IL1RL2: variants seen among roughly 807,000 people sequenced by gnomAD.
The protein encoded by IL1RL2 is interleukin-1 receptor-like 2.
A neutral mutation model predicts 66.8 loss-of-function variants in IL1RL2; 68 were observed. The observed-to-expected ratio is 1.02, with a 90% CI of 0.84 to 1.25. The LOEUF (loss-of-function observed/expected upper bound fraction) is 1.25, where lower values mean the gene tolerates loss of function less well. Among genes scored for constraint, IL1RL2 ranks in the 50% most tolerant of loss-of-function variants. The pLI is 0.00. For missense variants in IL1RL2, 729 were observed against 709.3 expected (o/e 1.03, Z -0.32); for synonymous variants, 305 against 264.6 (o/e 1.15, Z -1.48).
chr2:102,242,197 C>A (rs1240492984), downstream of IL1RL2, among the ~76,000 whole-genome samples: 1 of 152,164 alleles, frequency 6.6e-6, no homozygotes, highest in Admixed American at 6.5e-5. Flanking sequence ...GCTTTTTCCT[C>A]CCTGATTATT....
intron 4 of IL1RL2, among the ~76,000 whole-genome samples, chr2:102,195,599 T>G (rs1270658659): frequency 5.5e-5 from 1 of 18,032 alleles, no homozygotes; most frequent in African/African-American, 1.6e-4. Flanking sequence ...CTTTCTTTCT[T>G]TCTTTCTTTC....
chr2:102,212,056 C>A (rs200727039), intron 5 of IL1RL2, 44 bp from the exon 6 acceptor site: 2 of 1,408,910 alleles, frequency 1.4e-6, no homozygotes, highest in Middle Eastern at 1.8e-4. Context: ...GGGAATGTAT[C>A]ATACGTGATT....
Position 102,235,288 on chromosome 2 carries a change from G to C in IL1RL2, c.1678+11G>C. ...GCTACCGCACCGCAGGTGAGCGGGT[G>C]GGAGGACACGAGGTTTGTCACGCAC... On this transcript the variant is annotated intron_variant, in intron 11 of 11. Transcript: ENST00000264257. 6.2e-7 allele frequency: 1 copy of C among 1,608,544 alleles called. No individual in the cohort carries two copies. The highest frequency in any genetic ancestry group is 8.5e-7 in the Non-Finnish European group (1 of 1,177,188).
intron 1 of IL1RL2, 37 bp downstream of exon 1, chr2:102,187,123 T>C: frequency 7.8e-7 from 1 of 1,287,464 alleles, no homozygotes; most frequent in South Asian, 1.2e-5. Flanking sequence ...GAGCCAGGCA[T>C]GGGTGGGGCC....
chr2:102,187,974 C>T (rs531168394), intron 2 of IL1RL2, 49 bp downstream of exon 2: 1 of 1,569,546 alleles, frequency 6.4e-7, no homozygotes, highest in East Asian at 2.2e-5. Flanking sequence ...AGTCCACAGG[C>T]TCCTGGCCTG....
chr2:102,233,413 G>A (rs191088172), intron 10 of IL1RL2, among the ~76,000 whole-genome samples: 1 of 152,330 alleles, frequency 6.6e-6, no homozygotes, highest in Admixed American at 6.5e-5. Flanking sequence ...CACAGAAACA[G>A]GTGGCCAGTG....
chr2:102,230,995 ACT>A (rs1252628867), intron 9 of IL1RL2, among the ~76,000 whole-genome samples: 1 of 152,188 alleles, frequency 6.6e-6, no homozygotes, highest in Non-Finnish European at 1.5e-5. Context: ...CATCCAACAA[ACT>A]CTCATATAAA....
In IL1RL2 at chr2:102,235,632, G is replaced by A; in HGVS notation, c.1678+355G>A. Reference sequence around the variant, plus strand: ...TGCCCGGAAGTTTGCCCATGATGTGGCACCCATAGAGTCTGAGATGGGAGC... The same window carrying A: ...TGCCCGGAAGTTTGCCCATGATGTGACACCCATAGAGTCTGAGATGGGAGC... On this transcript the variant is annotated intron_variant, in intron 11 of 11. Coordinates refer to ENST00000264257, the MANE Select transcript of IL1RL2 (RefSeq NM_003854.4). 9.1e-6 allele frequency: 9 copies of A among 985,370 alleles called. No individual in the cohort carries two copies. In the South Asian group the frequency reaches 4.2e-4, roughly 46 times the overall value. The allele number at this position is 985,370 out of a possible 1,614,324, so 61.0% of individuals were successfully genotyped here.
chr2:102,227,333 A>C (rs960721239), intron 9 of IL1RL2, among the ~76,000 whole-genome samples: 1 of 152,234 alleles, frequency 6.6e-6, no homozygotes, highest in African/African-American at 2.4e-5. Flanking sequence ...CACTGGCATC[A>C]AGTGCTTGCT....
At chr2:102,200,694 G>T (rs11678651) in intron 4 of IL1RL2, among the ~76,000 whole-genome samples, 42,594 of 152,012 alleles carry the variant, frequency 0.28, 6,598 homozygotes, top group East Asian at 0.38. Flanking sequence ...AATTCAGAAG[G>T]TGGCCCAAGG....
At chr2:102,196,234 G>GCT (rs1687773925) in intron 4 of IL1RL2, among the ~76,000 whole-genome samples, 3 of 152,126 alleles carry the variant, frequency 2.0e-5, no homozygotes, top group Admixed American at 6.5e-5. Context: ...TCTGCTAACT[G>GCT]AAGCAGGTCA....
At chr2:102,220,814 C>T (rs992585872) in intron 8 of IL1RL2, among the ~76,000 whole-genome samples, 8 of 152,262 alleles carry the variant, frequency 5.3e-5, no homozygotes, top group Admixed American at 3.3e-4. Flanking sequence ...TAAAGCCCCA[C>T]CAAATATTTT....
intron 8 of IL1RL2, 105 bp from the exon 9 acceptor site, chr2:102,225,793 C>T: frequency 1.2e-6 from 1 of 869,106 alleles, no homozygotes; most frequent in Non-Finnish European, 1.6e-6. Context: ...CAAAACCTTT[C>T]CATTTGGCAT....
intron 5 of IL1RL2, among the ~76,000 whole-genome samples, chr2:102,211,772 G>A (rs1381367575): frequency 6.6e-6 from 1 of 152,132 alleles, no homozygotes; most frequent in African/African-American, 2.4e-5. Flanking sequence ...TTTGTCTATA[G>A]CCACTGCCTG....
intron 8 of IL1RL2, among the ~76,000 whole-genome samples, chr2:102,220,481 A>C (rs185346887): frequency 6.6e-6 from 1 of 152,336 alleles, no homozygotes; most frequent in East Asian, 1.9e-4. Context: ...TACGAATTGC[A>C]CTCTGAGTAC....
At chr2:102,227,682 C>A (rs538091183) in intron 9 of IL1RL2, among the ~76,000 whole-genome samples, 1 of 152,124 alleles carries the variant, frequency 6.6e-6, no homozygotes, top group Non-Finnish European at 1.5e-5. Flanking sequence ...CAGTCCCCCA[C>A]CACTGATTGT....
In IL1RL2 at chr2:102,191,949, A is replaced by G. The variant is rs1211155997; in HGVS notation, c.318A>G (p.Ile106Met). The G allele has an allele frequency of 1.4e-5, 22 of 1,611,442 alleles. No homozygotes were observed. The Admixed American group carries it at 3.7e-4, about 27-fold the overall frequency. Reference protein sequence around the residue: ...VIKGRDSCHRIHVNLTVFEKH... With the variant: ...VIKGRDSCHRMHVNLTVFEKH... ...GGGGTAGAGACAGCTGTCATAGAAT[A>G]CATGTAAACCTAACTGTTTTTGAAA... The change falls in exon 4 of 12, where the codon ATA becomes ATG. Residue 106 changes from isoleucine (I) to methionine (M), a missense_variant. Coordinates refer to ENST00000264257, the MANE Select transcript of IL1RL2 (RefSeq NM_003854.4).
In IL1RL2 at chr2:102,235,205, A is replaced by G. The variant is rs1674764904; in HGVS notation, c.1606A>G (p.Met536Val). ...GTTTTGGAAGACAGTGAGATACCAC[A>G]TGCCGCCCAGAAGGTGTCGGCCGTT... ...TKFWKTVRYHMPPRRCRPFPP... is the reference protein window; with the variant it reads ...TKFWKTVRYHVPPRRCRPFPP... Residue 536 changes from methionine (M) to valine (V), a missense_variant, in exon 11 of 12, where the codon ATG becomes GTG. Transcript: ENST00000264257. The G allele has an allele frequency of 6.2e-7, 1 of 1,614,212 alleles. No homozygotes were observed.
chr2:102,196,066 T>A (rs7560478), intron 4 of IL1RL2, among the ~76,000 whole-genome samples: 1 of 151,942 alleles, frequency 6.6e-6, no homozygotes, highest in Non-Finnish European at 1.5e-5. Flanking sequence ...TTTGTATAAG[T>A]CCTCTGCTTT....
Sources: allele counts gnomAD v4.1 joint callset (sites outside exome capture counted in the v4.1 genomes callset), GRCh38; gene constraint gnomAD v4.1.1; transcripts MANE v1.5; gene names NCBI Gene and HGNC (gene_info 2026-07-23, HGNC 2026-07-21).